ATF1: variants seen among roughly 807,000 people sequenced by gnomAD.
ATF1 encodes the protein cyclic AMP-dependent transcription factor ATF-1.
A neutral mutation model predicts 34.7 loss-of-function variants in ATF1; 16 were observed. The observed-to-expected ratio is 0.46, with a 90% CI of 0.31 to 0.70. The LOEUF (loss-of-function observed/expected upper bound fraction) is 0.70. ATF1 is among the 30% of genes least tolerant of loss of function. The probability of loss-of-function intolerance (pLI) is 0.05; values close to 1 mark genes in which losing one functional copy is unlikely to be tolerated. For missense variants in ATF1, 255 were observed against 321.6 expected (o/e 0.79, Z 1.58); for synonymous variants, 105 against 113.1 (o/e 0.93, Z 0.46).
At chr12:50,786,180 A>C (rs188858180) in intron 2 of ATF1, among the ~76,000 whole-genome samples, 17 of 152,324 alleles carry the variant, frequency 1.1e-4, no homozygotes, top group African/African-American at 4.1e-4. Flanking sequence ...GTGGCTATAT[A>C]GGTGGTATTT....
At chr12:50,776,157 A>C (rs548084810) in intron 1 of ATF1, among the ~76,000 whole-genome samples, 2 of 151,480 alleles carry the variant, frequency 1.3e-5, no homozygotes, top group Non-Finnish European at 1.5e-5. Flanking sequence ...CTAAAAATAC[A>C]AAAAATTAGC....
intron 1 of ATF1, among the ~76,000 whole-genome samples, chr12:50,766,220 TG>T (rs1241528746): frequency 1.3e-5 from 2 of 152,208 alleles, no homozygotes; most frequent in Non-Finnish European, 2.9e-5. Context: ...CCAGTATTTA[TG>T]TTTAGGAGTC....
intron 6 of ATF1, among the ~76,000 whole-genome samples, chr12:50,818,073 T>G (rs1358419028): frequency 6.6e-6 from 1 of 152,156 alleles, no homozygotes; most frequent in Non-Finnish European, 1.5e-5. Flanking sequence ...TGTACTTCAA[T>G]GAATATAAAT....
intron 1 of ATF1, among the ~76,000 whole-genome samples, chr12:50,773,450 T>TC (rs1179803893): frequency 6.8e-6 from 1 of 146,084 alleles, no homozygotes; most frequent in Non-Finnish European, 1.5e-5. Flanking sequence ...CATTCTTTTT[T>TC]TTTTTTTTTT....
intron 1 of ATF1, among the ~76,000 whole-genome samples, chr12:50,775,266 T>C (rs531939375): frequency 1.1e-3 from 169 of 152,248 alleles, no homozygotes; most frequent in Non-Finnish European, 1.3e-3. Context: ...AAGGTGGTTA[T>C]AATTATTGTC....
chr12:50,780,781 C>T (rs113011434), intron 2 of ATF1, among the ~76,000 whole-genome samples: 1,678 of 151,980 alleles, frequency 0.011, 30 homozygotes, highest in African/African-American at 0.035. Flanking sequence ...ACCAACATGG[C>T]GAAACCCTGT....
intron 1 of ATF1, among the ~76,000 whole-genome samples, chr12:50,767,121 G>A (rs951572966): frequency 1.3e-5 from 2 of 152,106 alleles, no homozygotes; most frequent in Non-Finnish European, 2.9e-5. Context: ...CTAAGGGAAA[G>A]GGAACCCAGA....
At chr12:50,804,718 A>G (rs1384655992) in intron 3 of ATF1, among the ~76,000 whole-genome samples, 2 of 152,176 alleles carry the variant, frequency 1.3e-5, no homozygotes, top group Non-Finnish European at 2.9e-5. Flanking sequence ...ATTTCAGTAA[A>G]CCTGTCTCAG....
At position 50,774,817 on chromosome 12, in the gene ATF1, G is replaced by A. The variant is rs561965949; in HGVS notation, c.-6-5323G>A. On this transcript the variant is annotated intron_variant, in intron 1 of 6. Transcript: ENST00000262053. ...GGCTGGAGTCCAGTGGCTTGATCTCGGCTCATTGCAAGCTCCGCCTCCCGG... is the reference window on the plus strand; with the variant it reads ...GGCTGGAGTCCAGTGGCTTGATCTCAGCTCATTGCAAGCTCCGCCTCCCGG... Among the ~76,000 whole-genome samples the A allele has an allele frequency of 3.7e-3, 558 of 149,330 alleles. 2 individuals carry two copies. Among genetic ancestry groups the A allele is most frequent in the Non-Finnish European group, 6.0e-3 (407 of 67,604 alleles).
At chr12:50,807,541 T>C (rs1252666511) in intron 3 of ATF1, among the ~76,000 whole-genome samples, 1 of 152,200 alleles carries the variant, frequency 6.6e-6, no homozygotes, top group East Asian at 1.9e-4. Flanking sequence ...GCCTTTTTCC[T>C]GGAAGTAGAG....
At chr12:50,798,577 G>A (rs1015109193) in intron 3 of ATF1, among the ~76,000 whole-genome samples, 3 of 152,068 alleles carry the variant, frequency 2.0e-5, no homozygotes, top group Non-Finnish European at 4.4e-5. Context: ...CCAAAGTGCT[G>A]GGATTACAGG....
chr12:50,816,000 A>C (rs563465084), intron 6 of ATF1, among the ~76,000 whole-genome samples: 5 of 152,334 alleles, frequency 3.3e-5, no homozygotes, highest in Non-Finnish European at 7.3e-5. Context: ...ATTCTCACTT[A>C]TATGTGGGAG....
At chr12:50,779,196 T>C (rs1023266449) in intron 1 of ATF1, among the ~76,000 whole-genome samples, 13 of 152,242 alleles carry the variant, frequency 8.5e-5, no homozygotes, top group African/African-American at 2.9e-4. Flanking sequence ...ACCTTTTGGC[T>C]ATTGTGAATA....
rs11464441 is a variant in ATF1, at chr12:50,811,630, GA to G, written c.328+2060del. 4.7e-3 allele frequency among the ~76,000 whole-genome samples: 345 copies of G among 72,934 alleles called. 2 individuals carry two copies. Among genetic ancestry groups the G allele is most frequent in the East Asian group, 0.018 (49 of 2,764 alleles). The allele number at this position is 72,934 out of a possible 152,430, so 47.8% of individuals were successfully genotyped here. On this transcript the variant is annotated intron_variant, in intron 4 of 6. Coordinates refer to ENST00000262053, the MANE Select transcript of ATF1 (RefSeq NM_005171.5). The stretch of plus-strand genomic sequence containing the variant: ...GACTGTGTCTTCACAGAAAAATGAA[GA>G]AAAAAAAAAAAAAAAAAAGCCGGGC...
At chr12:50,775,691 A>G (rs1180144054) in intron 1 of ATF1, 2 of 152,354 alleles carry the variant, frequency 1.3e-5, no homozygotes, top group Non-Finnish European at 2.9e-5. Context: ...TATCATTTCT[A>G]GTAATTAACA....
chr12:50,802,690 G>A (rs920937956), intron 3 of ATF1, among the ~76,000 whole-genome samples: 5 of 151,412 alleles, frequency 3.3e-5, no homozygotes, highest in Non-Finnish European at 7.4e-5. Context: ...TGGCCAATAT[G>A]GTGAAACCCT....
chr12:50,782,910 G>A (rs1941101755), intron 2 of ATF1, among the ~76,000 whole-genome samples: 2 of 151,328 alleles, frequency 1.3e-5, no homozygotes, highest in Admixed American at 1.3e-4. Flanking sequence ...GGCTGGTCTT[G>A]AACTCCTGAC....
At chr12:50,784,011 A>G (rs1047838300) in intron 2 of ATF1, among the ~76,000 whole-genome samples, 1 of 152,030 alleles carries the variant, frequency 6.6e-6, no homozygotes, top group African/African-American at 2.4e-5. Flanking sequence ...AAAATAAAAA[A>G]ATTTAGCCAG....
chr12:50,812,823 C>T (rs1331245614), intron 4 of ATF1, among the ~76,000 whole-genome samples: 3 of 150,700 alleles, frequency 2.0e-5, no homozygotes, highest in Non-Finnish European at 4.4e-5. Flanking sequence ...GACCCTGTCT[C>T]AAAAAAAATA....
Sources: gnomAD v4.1 joint callset for allele counts (sites outside exome capture counted in the v4.1 genomes callset) on GRCh38, gnomAD v4.1.1 for gene constraint, MANE v1.5 for transcripts, NCBI Gene and HGNC (gene_info 2026-07-23, HGNC 2026-07-21) for gene names.